PTPRA: variants seen among roughly 807,000 people sequenced by gnomAD.
The protein encoded by PTPRA is receptor-type tyrosine-protein phosphatase alpha.
Under a neutral mutation model 104.8 loss-of-function variants are expected in PTPRA, and 25 were observed. The observed-to-expected ratio is 0.24, with a 90% CI of 0.17 to 0.33. The LOEUF is 0.33. Ranked by LOEUF, PTPRA falls within the 10% of genes least tolerant of loss-of-function variation. PTPRA has a pLI of 1.00. For synonymous variants in PTPRA, 323 were observed against 368.9 expected (o/e 0.88, Z 1.43); for missense variants, 765 against 1,015.3 (o/e 0.75, Z 3.35).
chr20:2,878,724 A>G (rs1055139319), intron 1 of PTPRA, among the ~76,000 whole-genome samples: 1 of 152,208 alleles, frequency 6.6e-6, no homozygotes, highest in African/African-American at 2.4e-5. Flanking sequence ...ACTATCAGCA[A>G]TTTATGGGGC....
chr20:2,885,513 A>G (rs1420924405), intron 1 of PTPRA, among the ~76,000 whole-genome samples: 1 of 152,210 alleles, frequency 6.6e-6, no homozygotes, highest in East Asian at 1.9e-4. Context: ...CTTCTGATCA[A>G]TCATAACATC....
chr20:3,022,852 TG>T lies in PTPRA; in HGVS notation c.1464+34del. The T allele has an allele frequency of 1.2e-6, 2 of 1,613,756 alleles. No homozygotes were observed. Among genetic ancestry groups the T allele is most frequent in the Non-Finnish European group, 1.7e-6 (2 of 1,179,886 alleles). ...GAGTGATCTGTGGGTCAGGTGAGGGTGGGGGGTTCCAGGACTAAAACATCTG... is the reference window on the plus strand; with the variant it reads ...GAGTGATCTGTGGGTCAGGTGAGGGTGGGGGTTCCAGGACTAAAACATCTG... On this transcript the variant is annotated intron_variant, in intron 16 of 23. Transcript: ENST00000399903. This position sits in a 1 kb window ranked among gnomAD's most constrained non-coding sequence, Gnocchi z 4.6.
chr20:2,964,372 C>T (rs2061870135), intron 4 of PTPRA, 22 bp downstream of exon 4: 1 of 1,545,198 alleles, frequency 6.5e-7, no homozygotes, highest in Admixed American at 2.1e-5. Context: ...TTTGATAAGG[C>T]TGCTATTTGA....
intron 6 of PTPRA, among the ~76,000 whole-genome samples, chr20:2,978,382 C>CATT (rs1269356781): frequency 6.6e-6 from 1 of 152,176 alleles, no homozygotes; most frequent in African/African-American, 2.4e-5. Context: ...TTTAAAACAA[C>CATT]ATTACAACCT....
At chr20:3,023,803 C>T (rs1477639303) in intron 16 of PTPRA, among the ~76,000 whole-genome samples, 1 of 152,250 alleles carries the variant, frequency 6.6e-6, no homozygotes, top group Non-Finnish European at 1.5e-5. Flanking sequence ...TGTTCTTTCT[C>T]TATACTTTGT....
At chr20:2,865,134 A>G in the PTPRA span, 4 of 1,614,000 alleles carry the variant, frequency 2.5e-6, no homozygotes, top group Non-Finnish European at 3.4e-6. The surrounding 1 kb of genome is among the most constrained non-coding windows in gnomAD (Gnocchi z 5.2). Context: ...ATGCCTCATT[A>G]TCCGGGTCCC....
At chr20:2,927,865 C>T (rs1440045358) in intron 2 of PTPRA, among the ~76,000 whole-genome samples, 1 of 151,864 alleles carries the variant, frequency 6.6e-6, no homozygotes, top group Admixed American at 6.6e-5. Flanking sequence ...CAAAAATTAG[C>T]CAGGCGTGGT....
intron 2 of PTPRA, among the ~76,000 whole-genome samples, chr20:2,925,711 A>T (rs904980051): frequency 6.6e-6 from 1 of 152,176 alleles, no homozygotes; most frequent in Admixed American, 6.5e-5. Flanking sequence ...GCTACTTGGG[A>T]GGCTGAGGCA....
intron 2 of PTPRA, among the ~76,000 whole-genome samples, chr20:2,944,391 G>A (rs945172256): frequency 2.0e-5 from 3 of 152,106 alleles, no homozygotes; most frequent in African/African-American, 4.8e-5. Flanking sequence ...ATCATCTAAT[G>A]GTTCATCTGG....
chr20:3,017,887 G>T lies in PTPRA; in HGVS notation c.1015G>T (p.Val339Phe), dbSNP rs771408578. Residue 339 changes from valine to phenylalanine, a missense_variant, in exon 13 of 24, where the codon GTT becomes TTT. Val to Phe is a conservative substitution (Grantham distance 50). This residue lies in a region of PTPRA where 245 missense variants were observed against 398.7 expected (regional missense o/e 0.61). Coordinates refer to ENST00000399903, the MANE Select transcript of PTPRA (RefSeq NM_001385305.1). ...WEQNTATIVM[V>F]TNLKERKECK... The stretch of plus-strand genomic sequence containing the variant: ...ACAAAACACAGCCACCATCGTCATG[G>T]TTACCAACCTGAAGGAGAGAAAGGA... The T allele has an allele frequency of 1.2e-6, 2 of 1,614,176 alleles. No homozygotes were observed.
At chr20:2,906,578 G>A (rs569992080) in intron 1 of PTPRA, among the ~76,000 whole-genome samples, 6 of 152,210 alleles carry the variant, frequency 3.9e-5, no homozygotes, top group Non-Finnish European at 8.8e-5. Context: ...TGAAATACAG[G>A]TATACTAATG....
At chr20:2,973,952 A>AT (rs540787644) in intron 5 of PTPRA, among the ~76,000 whole-genome samples, 22,067 of 135,326 alleles carry the variant, frequency 0.16, 2,194 homozygotes, top group South Asian at 0.34. Context: ...TGTTTGTCTG[A>AT]TTTTTTTTTT....
At chr20:2,940,569 C>T (rs1484605989) in intron 2 of PTPRA, among the ~76,000 whole-genome samples, 1 of 152,112 alleles carries the variant, frequency 6.6e-6, no homozygotes, top group Non-Finnish European at 1.5e-5. Flanking sequence ...AATAGGTTTT[C>T]CTTTTTTTTG....
rs2060507108 is a variant in PTPRA, at chr20:2,931,613, A to C, written c.-50+8328A>C. On this transcript the variant is annotated intron_variant, in intron 2 of 23. Transcript: ENST00000399903. ...GTAGACCCTCATTCCCTAGCCCCTG[A>C]AACAAATGGATTTGACTTCTCTGTC... Among the ~76,000 whole-genome samples, 3 of 152,170 alleles carry C rather than the reference A, an allele frequency of 2.0e-5. No homozygotes were observed. The South Asian group carries it at 6.2e-4, about 32-fold the overall frequency.
chr20:2,880,265 T>G (rs970010259), intron 1 of PTPRA, among the ~76,000 whole-genome samples: 5 of 152,208 alleles, frequency 3.3e-5, no homozygotes, highest in Non-Finnish European at 7.3e-5. Flanking sequence ...TTTAGAACTT[T>G]TTATTGTTTT....
rs1298538568 is a variant in PTPRA, at chr20:3,007,431, G to A, written c.906+11G>A. 6 of 1,611,932 alleles carry A rather than the reference G, an allele frequency of 3.7e-6. No homozygotes were observed. In the Admixed American group the frequency reaches 8.3e-5, roughly 22 times the overall value. The stretch of plus-strand genomic sequence containing the variant: ...GCTTCATTCATCAACGTAAGGATCG[G>A]GTGCTTTCCCTGTCACTTCCCTGCC... On this transcript the variant is annotated intron_variant, in intron 11 of 23. Transcript: ENST00000399903.
chr20:3,026,746 C>T lies in PTPRA; in HGVS notation c.1674C>T (p.Asn558=), dbSNP rs1204962943. 1.9e-6 allele frequency: 3 copies of T among 1,613,022 alleles called. No homozygotes were observed. The highest frequency in any genetic ancestry group is 1.7e-5 in the Admixed American group (1 of 59,992). The part of the protein sequence containing the change: ...DKMRTGNLPA[N]MKKNRVLQII... Reference sequence around the variant, plus strand: ...TGCGGACTGGAAACCTTCCAGCCAACATGAAGAAGAACCGTGTTTTACAGA... The same window carrying T: ...TGCGGACTGGAAACCTTCCAGCCAATATGAAGAAGAACCGTGTTTTACAGA... Residue 558 remains asparagine (N), a synonymous_variant, in exon 18 of 24, where the codon AAC becomes AAT. Transcript: ENST00000399903.
At chr20:2,902,570 A>G (rs2059278458) in intron 1 of PTPRA, among the ~76,000 whole-genome samples, 1 of 152,202 alleles carries the variant, frequency 6.6e-6, no homozygotes, top group Non-Finnish European at 1.5e-5. Context: ...GATTGATGCC[A>G]AGTGATTCCA....
At chr20:2,956,743 G>A (rs533773910) in intron 3 of PTPRA, among the ~76,000 whole-genome samples, 13 of 152,240 alleles carry the variant, frequency 8.5e-5, no homozygotes, top group African/African-American at 2.9e-4. Flanking sequence ...ATTGATAGAC[G>A]TTAAGGGTAT....
Sources: allele counts gnomAD v4.1 joint callset (sites outside exome capture counted in the v4.1 genomes callset), GRCh38; gene constraint gnomAD v4.1.1; regional missense constraint gnomAD v4.1.1; non-coding constraint Gnocchi (gnomAD v3.1); transcripts MANE v1.5; gene names NCBI Gene and HGNC (gene_info 2026-07-23, HGNC 2026-07-21).